LRRC3B: variants seen among roughly 807,000 people sequenced by gnomAD.
LRRC3B encodes the protein leucine rich repeat containing 3B.
LRRC3B carries 2 observed loss-of-function variants against 12.8 expected under a neutral mutation model. The observed-to-expected ratio is 0.16, with a 90% confidence interval of 0.06 to 0.49. LRRC3B has a LOEUF of 0.49. Among genes scored for constraint, LRRC3B ranks in the 20% least tolerant of loss-of-function variants. The pLI, the probability that LRRC3B is intolerant of heterozygous loss-of-function variation, is 0.96. For synonymous variants in LRRC3B, 132 were observed against 122.0 expected (o/e 1.08, Z -0.54); for missense variants, 189 against 319.4 (o/e 0.59, Z 3.11).
At chr3:26,647,746 T>G (rs1559354270) in intron 1 of LRRC3B, among the ~76,000 whole-genome samples, 1 of 152,032 alleles carries the variant, frequency 6.6e-6, no homozygotes, top group Admixed American at 6.6e-5. Context: ...AGAAAAAAAG[T>G]CTCCTAGCTT....
intron 1 of LRRC3B, among the ~76,000 whole-genome samples, chr3:26,705,544 A>G (rs532887868): frequency 2.0e-5 from 3 of 151,988 alleles, no homozygotes; most frequent in Admixed American, 6.6e-5. Flanking sequence ...TGCCATTACC[A>G]GTGTGACCCC....
intron 1 of LRRC3B, among the ~76,000 whole-genome samples, chr3:26,692,753 C>T (rs1430603872): frequency 6.6e-6 from 1 of 152,168 alleles, no homozygotes; most frequent in Non-Finnish European, 1.5e-5. Context: ...TATCAGTTAG[C>T]TTTCGCTACA....
intron 1 of LRRC3B, among the ~76,000 whole-genome samples, chr3:26,668,088 T>C (rs1354704903): frequency 6.6e-6 from 1 of 152,116 alleles, no homozygotes; most frequent in African/African-American, 2.4e-5. Context: ...TGCAGTTAGA[T>C]ATTATTATAA....
intron 1 of LRRC3B, among the ~76,000 whole-genome samples, chr3:26,657,448 G>A (rs1295850900): frequency 6.6e-6 from 1 of 152,190 alleles, no homozygotes; most frequent in Non-Finnish European, 1.5e-5. Flanking sequence ...CACAAGAGTA[G>A]TGACTAAGTC....
chr3:26,659,751 A>C (rs1699455700), intron 1 of LRRC3B, among the ~76,000 whole-genome samples: 1 of 152,206 alleles, frequency 6.6e-6, no homozygotes, highest in Admixed American at 6.5e-5. Flanking sequence ...TGTTCTACAG[A>C]GGCTAAAAAC....
At chr3:26,660,715 T>G (rs997085693) in intron 1 of LRRC3B, among the ~76,000 whole-genome samples, 2 of 152,152 alleles carry the variant, frequency 1.3e-5, no homozygotes, top group Admixed American at 1.3e-4. Context: ...ATATTACTGA[T>G]GTAAAAAAAA....
chr3:26,692,971 A>G (rs1465421065), intron 1 of LRRC3B, among the ~76,000 whole-genome samples: 2 of 152,126 alleles, frequency 1.3e-5, no homozygotes, highest in African/African-American at 4.8e-5. Flanking sequence ...CTTCTCCTTT[A>G]TATGGTTTCT....
intron 1 of LRRC3B, among the ~76,000 whole-genome samples, chr3:26,639,650 G>T (rs970159704): frequency 3.3e-5 from 5 of 152,220 alleles, no homozygotes; most frequent in African/African-American, 9.6e-5. Flanking sequence ...GCATGGACAG[G>T]ACAGGTATAA....
intron 1 of LRRC3B, among the ~76,000 whole-genome samples, chr3:26,691,105 G>GTATGTATATATA (rs1553605091): frequency 1.9e-4 from 16 of 84,832 alleles, no homozygotes; most frequent in African/African-American, 6.9e-4. Flanking sequence ...GTGTGTGTGT[G>GTATGTATATATA]TATATATATA....
At position 26,632,760 on chromosome 3, in the gene LRRC3B, G is replaced by A. The variant is rs534656924; in HGVS notation, c.-161+9523G>A. Among the ~76,000 whole-genome samples, 17 of 152,204 alleles carry A rather than the reference G, an allele frequency of 1.1e-4. 1 individual carries two copies. The South Asian group carries it at 3.5e-3, about 32-fold the overall frequency. Reference sequence around the variant, plus strand: ...GAAGTTAATCAGAAGTCAACATGGTGGATTAGCATCCAAGATGGAGTTGCT... The same window carrying A: ...GAAGTTAATCAGAAGTCAACATGGTAGATTAGCATCCAAGATGGAGTTGCT... On this transcript the variant is annotated intron_variant, in intron 1 of 1. Transcript: ENST00000396641.
At chr3:26,626,226 G>A (rs1172782912) in intron 1 of LRRC3B, among the ~76,000 whole-genome samples, 2 of 152,204 alleles carry the variant, frequency 1.3e-5, no homozygotes, top group African/African-American at 4.8e-5. Context: ...TGGAGAACTG[G>A]CTACTGGTAA....
intron 1 of LRRC3B, among the ~76,000 whole-genome samples, chr3:26,639,529 T>TTA: frequency 1.1e-5 from 1 of 93,030 alleles, no homozygotes; most frequent in South Asian, 3.8e-4. Context: ...AAATTAAATT[T>TTA]AAATCTTTAA....
intron 1 of LRRC3B, among the ~76,000 whole-genome samples, chr3:26,641,892 T>G (rs1215838389): frequency 6.6e-6 from 1 of 152,216 alleles, no homozygotes; most frequent in Admixed American, 6.5e-5. Context: ...AAAGAGGTCT[T>G]GTTCATGTGG....
rs1159816045 is a variant in LRRC3B at position 26,636,900 on chromosome 3, CTCTTTCTCTCTT to C, written c.-161+13667_-161+13678del. ...TTCCTTCCTTCCTTTCTCTCTCTCT[CTCTTTCTCTCTT>C]TCTCTCTTTCTTTCTTTCTTTCTTT... On this transcript the variant is annotated intron_variant, in intron 1 of 1. Coordinates refer to ENST00000396641, the Ensembl canonical transcript of LRRC3B. Among the ~76,000 whole-genome samples, 36 of 92,456 alleles carry C rather than the reference CTCTTTCTCTCTT, an allele frequency of 3.9e-4. 1 individual carries two copies. Among genetic ancestry groups the C allele is most frequent in the East Asian group, 3.2e-3 (6 of 1,860 alleles). The allele number at this position is 92,456 out of a possible 152,430, so 60.7% of individuals were successfully genotyped here.
At chr3:26,678,920 C>CT (rs753384919) in intron 1 of LRRC3B, among the ~76,000 whole-genome samples, 1 of 152,294 alleles carries the variant, frequency 6.6e-6, no homozygotes, top group South Asian at 2.1e-4. Context: ...TGGAATTCCT[C>CT]TAACCTCAGA....
At position 26,622,849 on chromosome 3, in the gene LRRC3B, T is replaced by A. The variant is rs1698543451; in HGVS notation, c.-549T>A. On this transcript the variant is annotated 5_prime_UTR_variant, in exon 1 of 2. Coordinates refer to ENST00000396641, the Ensembl canonical transcript of LRRC3B. Reference sequence around the variant, plus strand: ...ATCTCTGGGCAAGCGGCGCTTTGCCTCTCTCCTGTCTTTGTCTGCTCTTCC... The same window carrying A: ...ATCTCTGGGCAAGCGGCGCTTTGCCACTCTCCTGTCTTTGTCTGCTCTTCC... 1.3e-5 allele frequency: 2 copies of A among 152,362 alleles called. 1 individual carries two copies. Among genetic ancestry groups the A allele is most frequent in the Middle Eastern group, 6.8e-3 (2 of 294 alleles). The allele number at this position is 152,362 out of a possible 1,614,324, so 9.4% of individuals were successfully genotyped here. A position where few individuals can be genotyped will look rare whatever the true frequency, so the allele number is the denominator to read the frequency against.
At chr3:26,685,910 G>T (rs1397861749) in intron 1 of LRRC3B, among the ~76,000 whole-genome samples, 2 of 151,812 alleles carry the variant, frequency 1.3e-5, no homozygotes, top group African/African-American at 4.8e-5. Context: ...ATCTTTTTCT[G>T]GTGGCAAACA....
intron 1 of LRRC3B, among the ~76,000 whole-genome samples, chr3:26,656,131 C>T (rs1432703873): frequency 6.6e-6 from 1 of 152,160 alleles, no homozygotes; most frequent in Non-Finnish European, 1.5e-5. Context: ...TTGATAGTCT[C>T]TGTAAGGCAG....
intron 1 of LRRC3B, among the ~76,000 whole-genome samples, chr3:26,677,990 A>AT (rs1020485437): frequency 6.6e-6 from 1 of 151,376 alleles, no homozygotes; most frequent in African/African-American, 2.4e-5. Flanking sequence ...CTTCTTTTTT[A>AT]TTTTTTTGTA....
Sources: gnomAD v4.1 joint callset for allele counts (sites outside exome capture counted in the v4.1 genomes callset) on GRCh38, gnomAD v4.1.1 for gene constraint, MANE v1.5 for transcripts, NCBI Gene and HGNC (gene_info 2026-07-23, HGNC 2026-07-21) for gene names.